FN1: variants seen among roughly 807,000 people sequenced by gnomAD.
The protein encoded by FN1 is fibronectin.
A neutral mutation model predicts 297.3 loss-of-function variants in FN1; 106 were observed. That is an observed-to-expected ratio of 0.36 (90% CI 0.30 to 0.42). The LOEUF (loss-of-function observed/expected upper bound fraction) is 0.42. FN1 is among the 10% of genes least tolerant of loss of function. FN1 has a pLI of 1.00. For synonymous variants in FN1, 1,149 were observed against 1,152.6 expected, an observed-to-expected ratio of 1.00 and a Z score of 0.06; for missense variants, 2,690 against 3,124.9, an observed-to-expected ratio of 0.86 and a Z score of 3.32.
intron 23 of FN1, among the ~76,000 whole-genome samples, chr2:215,396,742 A>G (rs891812493): frequency 6.6e-6 from 1 of 152,238 alleles, no homozygotes; most frequent in African/African-American, 2.4e-5. Context: ...CAAAACATTC[A>G]TAAAACTTCA....
chr2:215,377,178 G>A (rs2057440847), intron 35 of FN1, among the ~76,000 whole-genome samples: 2 of 151,776 alleles, frequency 1.3e-5, no homozygotes, highest in African/African-American at 4.8e-5. Flanking sequence ...TTTTATAAAT[G>A]ATAAAACTTT....
chr2:215,422,025 T>TAA, intron 10 of FN1, 66 bp downstream of exon 10: 1 of 1,492,248 alleles, frequency 6.7e-7, no homozygotes, highest in Non-Finnish European at 9.3e-7. Context: ...CAAGTTTTCA[T>TAA]AAAAAAAAGT....
At chr2:215,420,409 C>T (rs1575747193) in intron 11 of FN1, among the ~76,000 whole-genome samples, 2 of 152,092 alleles carry the variant, frequency 1.3e-5, no homozygotes, top group South Asian at 2.1e-4. Context: ...CATGGATTAT[C>T]TTTATGATTC....
chr2:215,372,009 T>G lies in FN1; in HGVS notation c.6614A>C (p.Glu2205Ala), dbSNP rs1324463391. 3 of 1,614,074 alleles carry G rather than the reference T, an allele frequency of 1.9e-6. No homozygotes were observed. The highest frequency in any genetic ancestry group is 2.7e-5 in the African/African-American group (2 of 74,926). The change falls in exon 40 of 46, where the codon GAA (glutamate) becomes GCA (alanine). Residue 2205 changes from glutamate to alanine, a missense_variant. Glu to Ala is a moderately radical substitution (Grantham distance 107, BLOSUM62 -1). Coordinates refer to ENST00000354785, the MANE Select transcript of FN1 (RefSeq NM_212482.4). ...GLNPNASTGQ[E>A]ALSQTTISWA... ...TGAGATGGTTGTCTGAGAGAGAGCT[T>G]CTTGTCCTGTAGAGGCATTTGGATT... is the stretch of plus-strand genomic sequence containing the variant.
chr2:215,434,161 T>C (rs2067033926), intron 2 of FN1, among the ~76,000 whole-genome samples: 1 of 152,226 alleles, frequency 6.6e-6, no homozygotes, highest in Non-Finnish European at 1.5e-5. Context: ...CCACAAGGCC[T>C]TGACAGTTGT....
In FN1 at chr2:215,372,137, A is replaced by T; in HGVS notation, c.6486T>A (p.His2162Gln). ...TPPTTATPIR[H>Q]RPRPYPPNVG... is the part of the protein sequence containing the mutation. ...CATTCGGCGGGTATGGTCTTGGCCT[A>T]TGCCTTATGGGGGTGGCCGTTGTGG... The change falls in exon 40 of 46, where the codon CAT becomes CAA. Residue 2162 changes from histidine to glutamine, a missense_variant. Physicochemically the swap from His to Gln is conservative, Grantham distance 24. Coordinates refer to ENST00000354785, the MANE Select transcript of FN1 (RefSeq NM_212482.4). 6.2e-7 allele frequency: 1 copy of T among 1,614,232 alleles called. No individual in the cohort carries two copies. Among genetic ancestry groups the T allele is most frequent in the South Asian group, 1.1e-5 (1 of 91,090 alleles).
At chr2:215,420,366 A>G (rs1487691265) in intron 11 of FN1, among the ~76,000 whole-genome samples, 2 of 134,782 alleles carry the variant, frequency 1.5e-5, no homozygotes, top group Non-Finnish European at 3.1e-5. Context: ...AACAAAAACA[A>G]ACAAAAAAAA....
chr2:215,432,104 C>T (rs548160478), intron 3 of FN1, 140 bp from the exon 4 acceptor site: 43 of 923,784 alleles, frequency 4.7e-5, no homozygotes, highest in Non-Finnish European at 6.2e-5. Context: ...ACAGGGGAAA[C>T]GTTAACAGGT....
At chr2:215,406,802 C>G (rs931399949) in intron 18 of FN1, among the ~76,000 whole-genome samples, 3 of 151,978 alleles carry the variant, frequency 2.0e-5, no homozygotes, top group Non-Finnish European at 4.4e-5. Context: ...TTAGAAAAAG[C>G]CTTTGAAATA....
At chr2:215,371,470 C>CTT (rs771219024) in intron 40 of FN1, among the ~76,000 whole-genome samples, 1 of 150,660 alleles carries the variant, frequency 6.6e-6, no homozygotes, top group Non-Finnish European at 1.5e-5. Flanking sequence ...GGTAGAATAT[C>CTT]TTTCTTTTCT....
chr2:215,384,441 G>C, intron 29 of FN1: 1 of 507,436 alleles, frequency 2.0e-6, no homozygotes, highest in Non-Finnish European at 3.5e-6. Flanking sequence ...TAGTAGAGTA[G>C]CATTAGAAGT....
chr2:215,394,464 A>C, intron 24 of FN1, 64 bp downstream of exon 24: 1 of 1,296,248 alleles, frequency 7.7e-7, no homozygotes, highest in Non-Finnish European at 1.1e-6. Context: ...CTGGGGATTA[A>C]GATGCTAATC....
chr2:215,397,234 A>G lies in FN1; in HGVS notation c.3518-11T>C, dbSNP rs764559142. ...TTGGTGGAGACAATGCTATGCAGAA[A>G]GAACATTTTAAAAGTCAAAGCTGAC... On this transcript the variant is annotated splice_polypyrimidine_tract_variant and intron_variant, in intron 22 of 45. Transcript: ENST00000354785. 2 of 1,602,026 alleles carry G rather than the reference A, an allele frequency of 1.2e-6. No individual in the cohort carries two copies. The highest frequency in any genetic ancestry group is 1.1e-5 in the South Asian group (1 of 90,838).
At chr2:215,378,895 A>G (rs907970390) in intron 34 of FN1, among the ~76,000 whole-genome samples, 1 of 152,234 alleles carries the variant, frequency 6.6e-6, no homozygotes, top group Non-Finnish European at 1.5e-5. Context: ...TAAGCACAAT[A>G]CATCTAAAAG....
intron 3 of FN1, 134 bp from the exon 4 acceptor site, chr2:215,432,098 G>A (rs2066624024): frequency 3.0e-6 from 3 of 1,005,066 alleles, no homozygotes; most frequent in African/African-American, 1.6e-5. Flanking sequence ...TCAGAGACAG[G>A]GGAAACGTTA....
At position 215,419,407 on chromosome 2, in the gene FN1, GAT is replaced by G. The variant is rs759244130; in HGVS notation, c.1676-24_1676-23del. On this transcript the variant is annotated intron_variant, in intron 11 of 45. Coordinates refer to ENST00000354785, the MANE Select transcript of FN1 (RefSeq NM_212482.4). ...TGGTCTAAAATACATGGAAGGAAAAGATAAACAGCCTTGAAGACTTATAACTA... is the reference window on the plus strand; with the variant it reads ...TGGTCTAAAATACATGGAAGGAAAAGAAACAGCCTTGAAGACTTATAACTA... 16 of 1,604,816 alleles carry G rather than the reference GAT, an allele frequency of 1.0e-5. No homozygotes were observed. The South Asian group carries it at 1.6e-4, about 17-fold the overall frequency.
chr2:215,402,008 A>G (rs1575581478), intron 20 of FN1, among the ~76,000 whole-genome samples: 1 of 152,054 alleles, frequency 6.6e-6, no homozygotes. Flanking sequence ...ATTATACACC[A>G]CTTGACTGCT....
intron 12 of FN1, among the ~76,000 whole-genome samples, chr2:215,418,819 T>C (rs1354544928): frequency 2.0e-5 from 3 of 152,172 alleles, no homozygotes; most frequent in Non-Finnish European, 2.9e-5. Context: ...AGATGACATG[T>C]TGAATGAACA....
In FN1 at chr2:215,425,186, A is replaced by G; in HGVS notation, c.944T>C (p.Val315Ala). 1 of 1,614,136 alleles carries G rather than the reference A, an allele frequency of 6.2e-7. No individual in the cohort carries two copies. The highest frequency in any genetic ancestry group is 8.5e-7 in the Non-Finnish European group (1 of 1,179,998). The part of the protein sequence containing the change: ...YGHCVTDSGV[V>A]YSVGMQWLKT... ...CAGCCACTGCATCCCCACAGAGTAG[A>G]CCACACCACTGTCTGTGACACAGTG... Residue 315 changes from valine (V) to alanine (A), a missense_variant, in exon 7 of 46, where the codon GTC (valine) becomes GCC (alanine). Transcript: ENST00000354785.
Sources: allele counts gnomAD v4.1 joint callset (sites outside exome capture counted in the v4.1 genomes callset), GRCh38; gene constraint gnomAD v4.1.1; transcripts MANE v1.5; gene names NCBI Gene and HGNC (gene_info 2026-07-23, HGNC 2026-07-21).